Variants in GPC6 observed in about 807,000 individuals in gnomAD.
GPC6 encodes glypican-6.
A neutral mutation model predicts 55.2 loss-of-function variants in GPC6; 14 were observed. The ratio of observed to expected loss-of-function variants is 0.25; its 90% confidence interval spans 0.17 to 0.40. The LOEUF is 0.40. Among genes scored for constraint, GPC6 ranks in the 10% least tolerant of loss-of-function variants. GPC6 has a pLI of 1.00. For synonymous variants in GPC6, 278 were observed against 259.6 expected (o/e 1.07, Z -0.68); for missense variants, 641 against 708.5 (o/e 0.90, Z 1.08).
intron 1 of GPC6, among the ~76,000 whole-genome samples, chr13:93,480,848 T>A (rs748901706): frequency 3.3e-5 from 5 of 152,242 alleles, no homozygotes; most frequent in Non-Finnish European, 7.3e-5. Flanking sequence ...GTTCATCATT[T>A]GATAGACATT....
chr13:94,246,736 G>A (rs9524386), intron 4 of GPC6, among the ~76,000 whole-genome samples: 32,252 of 151,930 alleles, frequency 0.21, 3,681 homozygotes, highest in East Asian at 0.37. Context: ...TTTCATGTCA[G>A]TGCCATACTG....
intron 4 of GPC6, among the ~76,000 whole-genome samples, chr13:94,092,601 A>T (rs1171198850): frequency 6.6e-6 from 1 of 152,094 alleles, no homozygotes; most frequent in East Asian, 1.9e-4. Context: ...CATGGGGAGT[A>T]CAGATATTTT....
At chr13:93,761,528 A>C (rs1217622304) in intron 2 of GPC6, among the ~76,000 whole-genome samples, 1 of 152,190 alleles carries the variant, frequency 6.6e-6, no homozygotes. Context: ...AAAATTTTTA[A>C]ATAGAGACAG....
At chr13:94,083,568 G>A (rs555731461) in intron 4 of GPC6, among the ~76,000 whole-genome samples, 2 of 152,360 alleles carry the variant, frequency 1.3e-5, no homozygotes, top group African/African-American at 2.4e-5. Context: ...GACCAGAGGA[G>A]TGCCTAGCAC....
intron 7 of GPC6, among the ~76,000 whole-genome samples, chr13:94,397,842 C>A (rs1374200941): frequency 2.0e-5 from 3 of 152,120 alleles, no homozygotes; most frequent in Non-Finnish European, 4.4e-5. Context: ...TCCCAAATCC[C>A]ATCTTGACTT....
intron 4 of GPC6, among the ~76,000 whole-genome samples, chr13:94,095,312 C>T (rs61962307): frequency 0.025 from 3,745 of 152,156 alleles, 66 homozygotes; most frequent in Middle Eastern, 0.068. Context: ...AAAACTGATG[C>T]TCTGGATAAG....
chr13:93,550,458 A>G (rs1426129905), intron 2 of GPC6, among the ~76,000 whole-genome samples: 1 of 152,174 alleles, frequency 6.6e-6, no homozygotes, highest in East Asian at 1.9e-4. Flanking sequence ...CAGCCAGTAC[A>G]TTTTTAAAAG....
At chr13:93,838,530 T>C (rs918543260) in intron 3 of GPC6, among the ~76,000 whole-genome samples, 1 of 152,158 alleles carries the variant, frequency 6.6e-6, no homozygotes, top group African/African-American at 2.4e-5. Flanking sequence ...ATTTTTAAGT[T>C]AAGGAATTTG....
At chr13:93,515,819 A>G (rs956331390) in intron 1 of GPC6, among the ~76,000 whole-genome samples, 5 of 152,192 alleles carry the variant, frequency 3.3e-5, no homozygotes, top group Admixed American at 2.0e-4. Flanking sequence ...GAAACTCACT[A>G]TTAAGGATCC....
rs576635448 is a variant in GPC6, at chr13:93,949,092, A to G, written c.712-78637A>G. On this transcript the variant is annotated intron_variant, in intron 3 of 8. Transcript: ENST00000377047. Reference sequence around the variant, plus strand: ...TTTGGGGGTCTTCTGCGTTGTTGGGAACCTTCTACATTTCCAGTGGCAAAG... The same window carrying G: ...TTTGGGGGTCTTCTGCGTTGTTGGGGACCTTCTACATTTCCAGTGGCAAAG... 1.3e-3 allele frequency among the ~76,000 whole-genome samples: 204 copies of G among 152,226 alleles called. 1 individual carries two copies. Among genetic ancestry groups the G allele is most frequent in the African/African-American group, 4.7e-3 (197 of 41,544 alleles).
intron 4 of GPC6, among the ~76,000 whole-genome samples, chr13:94,197,867 G>A (rs929147142): frequency 6.7e-6 from 1 of 149,898 alleles, no homozygotes; most frequent in Non-Finnish European, 1.5e-5. Context: ...TAACACTTTA[G>A]CAGTGTTAAA....
chr13:93,667,231 G>A (rs564598480), intron 2 of GPC6, among the ~76,000 whole-genome samples: 2 of 152,204 alleles, frequency 1.3e-5, no homozygotes, highest in African/African-American at 2.4e-5. Context: ...TGACATAACA[G>A]AAGAGGTAAA....
At chr13:94,346,530 G>T (rs1185156269) in intron 6 of GPC6, among the ~76,000 whole-genome samples, 1 of 152,030 alleles carries the variant, frequency 6.6e-6, no homozygotes, top group East Asian at 1.9e-4. Flanking sequence ...AGACCAGCCT[G>T]GCCAACATGA....
At chr13:94,192,823 G>GGT (rs1355607547) in intron 4 of GPC6, among the ~76,000 whole-genome samples, 1 of 152,162 alleles carries the variant, frequency 6.6e-6, no homozygotes, top group Non-Finnish European at 1.5e-5. Context: ...GCAATGAAGT[G>GGT]GTGGGTGAGC....
intron 2 of GPC6, among the ~76,000 whole-genome samples, chr13:93,745,039 C>CA (rs1467929053): frequency 1.3e-5 from 2 of 152,052 alleles, no homozygotes; most frequent in Non-Finnish European, 2.9e-5. Flanking sequence ...AAAGCCTTCC[C>CA]AACTCCAATC....
chr13:94,240,226 G>A (rs1891012246), intron 4 of GPC6, among the ~76,000 whole-genome samples: 1 of 152,100 alleles, frequency 6.6e-6, no homozygotes, highest in Non-Finnish European at 1.5e-5. Flanking sequence ...CCTTTGCACA[G>A]TACATGAACA....
At chr13:94,101,708 A>C (rs1369031767) in intron 4 of GPC6, among the ~76,000 whole-genome samples, 1 of 152,092 alleles carries the variant, frequency 6.6e-6, no homozygotes, top group African/African-American at 2.4e-5. Context: ...CAATAATAAA[A>C]GGTGGATCCT....
intron 1 of GPC6, among the ~76,000 whole-genome samples, chr13:93,356,059 C>T (rs1397488704): frequency 1.3e-5 from 2 of 152,100 alleles, no homozygotes; most frequent in African/African-American, 4.8e-5. Context: ...TAATCCTGAA[C>T]TTGTATCCAA....
At chr13:93,258,238 T>C (rs1877020882) in intron 1 of GPC6, among the ~76,000 whole-genome samples, 1 of 152,162 alleles carries the variant, frequency 6.6e-6, no homozygotes. Context: ...AGACCAATGA[T>C]ATATGCCAGT....
Sources: allele counts gnomAD v4.1 joint callset (sites outside exome capture counted in the v4.1 genomes callset), GRCh38; gene constraint gnomAD v4.1.1; transcripts MANE v1.5; gene names NCBI Gene and HGNC (gene_info 2026-07-23, HGNC 2026-07-21).